Variants in ARHGAP26 observed in about 807,000 individuals in gnomAD.
ARHGAP26 encodes the protein rho GTPase-activating protein 26.
Under a neutral mutation model 104.8 loss-of-function variants are expected in ARHGAP26, and 38 were observed. The ratio of observed to expected loss-of-function variants is 0.36; its 90% CI spans 0.28 to 0.48. The LOEUF (loss-of-function observed/expected upper bound fraction) is 0.48, where lower values mean the gene tolerates loss of function less well. ARHGAP26 is among the 20% of genes least tolerant of loss of function. ARHGAP26 has a pLI of 0.99. For synonymous variants in ARHGAP26, 341 were observed against 340.0 expected (o/e 1.00, Z -0.03); for missense variants, 704 against 947.9 (o/e 0.74, Z 3.38).
At position 142,770,699 on chromosome 5, in the gene ARHGAP26, C is replaced by G. The variant is rs929516497; in HGVS notation, c.-63C>G. The G allele has an allele frequency of 9.2e-7, 1 of 1,085,686 alleles. No individual in the cohort carries two copies. Among genetic ancestry groups the G allele is most frequent in the Non-Finnish European group, 1.1e-6 (1 of 889,156 alleles). The allele number at this position is 1,085,686 out of a possible 1,614,324, so 67.3% of individuals were successfully genotyped here. A position where few individuals can be genotyped will look rare whatever the true frequency, so the allele number is the denominator to read the frequency against. ...GCCGGGGTCCCGCCGCGTGAGTGCT[C>G]TGGGCGGCGGGCGGCCCGGGCCCCG... On this transcript the variant is annotated 5_prime_UTR_variant, in exon 1 of 23. Transcript: ENST00000645722.
At chr5:142,784,617 C>T (rs559936546) in intron 1 of ARHGAP26, among the ~76,000 whole-genome samples, 21 of 152,212 alleles carry the variant, frequency 1.4e-4, no homozygotes, top group South Asian at 1.2e-3. Flanking sequence ...CTTAATGTGC[C>T]GTCTCAATCA....
At chr5:143,042,362 C>G (rs1598765558) in intron 14 of ARHGAP26, among the ~76,000 whole-genome samples, 1 of 152,172 alleles carries the variant, frequency 6.6e-6, no homozygotes, top group East Asian at 1.9e-4. Flanking sequence ...TATATATAAC[C>G]AGAGAAATCT....
chr5:143,099,866 G>A (rs1373302871), intron 17 of ARHGAP26, among the ~76,000 whole-genome samples: 1 of 152,090 alleles, frequency 6.6e-6, no homozygotes, highest in Non-Finnish European at 1.5e-5. Context: ...AATAATAAGG[G>A]ATTAAAACCA....
chr5:142,975,731 T>A (rs1031720603), intron 11 of ARHGAP26, among the ~76,000 whole-genome samples: 6 of 152,180 alleles, frequency 3.9e-5, no homozygotes, highest in African/African-American at 1.4e-4. Context: ...TTACCCAGCG[T>A]CCCTGAGATT....
intron 4 of ARHGAP26, among the ~76,000 whole-genome samples, chr5:142,884,109 C>G (rs764365796): frequency 7.2e-5 from 11 of 152,204 alleles, no homozygotes; most frequent in Non-Finnish European, 1.5e-4. Flanking sequence ...ACCCAATTAG[C>G]AAATTTGATC....
intron 1 of ARHGAP26, among the ~76,000 whole-genome samples, chr5:142,858,814 G>A (rs1314955206): frequency 6.6e-6 from 1 of 152,138 alleles, no homozygotes; most frequent in Non-Finnish European, 1.5e-5. Context: ...GGGTGGATAG[G>A]GAATGCGAGG....
chr5:142,957,361 T>TA (rs546669378), intron 11 of ARHGAP26, among the ~76,000 whole-genome samples: 162 of 152,308 alleles, frequency 1.1e-3, no homozygotes, highest in Admixed American at 2.7e-3. Context: ...ACATAAATCT[T>TA]ACGTAAATAT....
chr5:143,055,636 A>G (rs1163261537), intron 15 of ARHGAP26, among the ~76,000 whole-genome samples: 1 of 152,220 alleles, frequency 6.6e-6, no homozygotes, highest in Non-Finnish European at 1.5e-5. Context: ...TTCTAGATGA[A>G]TTGATTCTAA....
At chr5:142,947,328 G>A (rs1767302438) in intron 11 of ARHGAP26, among the ~76,000 whole-genome samples, 1 of 152,112 alleles carries the variant, frequency 6.6e-6, no homozygotes. Context: ...AGGGAGGGAT[G>A]GTGGTGCTGC....
chr5:142,942,855 A>G (rs1219386553), intron 11 of ARHGAP26, among the ~76,000 whole-genome samples: 2 of 152,192 alleles, frequency 1.3e-5, no homozygotes, highest in Non-Finnish European at 2.9e-5. Context: ...ATCTCAGCTC[A>G]CTACAACCTC....
intron 20 of ARHGAP26, among the ~76,000 whole-genome samples, chr5:143,206,794 G>A (rs192404374): frequency 3.3e-4 from 51 of 152,312 alleles, no homozygotes; most frequent in Non-Finnish European, 6.0e-4. Context: ...CTGCTGAGAC[G>A]TAACCTGAAA....
intron 11 of ARHGAP26, among the ~76,000 whole-genome samples, chr5:142,937,018 T>A (rs972595110): frequency 1.4e-4 from 21 of 152,168 alleles, no homozygotes; most frequent in Admixed American, 6.5e-5. Context: ...GGATAAAATT[T>A]TCTTCATCAA....
chr5:142,836,197 T>C (rs976527122), intron 1 of ARHGAP26, among the ~76,000 whole-genome samples: 1 of 152,232 alleles, frequency 6.6e-6, no homozygotes, highest in Non-Finnish European at 1.5e-5. Flanking sequence ...GAACTGGTGA[T>C]GCCAAGTTGC....
At chr5:143,132,574 T>C (rs1797472559) in intron 18 of ARHGAP26, among the ~76,000 whole-genome samples, 2 of 152,150 alleles carry the variant, frequency 1.3e-5, no homozygotes, top group East Asian at 3.9e-4. Flanking sequence ...TAATGTTAGA[T>C]GAAATTATAT....
intron 11 of ARHGAP26, among the ~76,000 whole-genome samples, chr5:142,962,414 A>C (rs1770406394): frequency 6.6e-6 from 1 of 152,206 alleles, no homozygotes; most frequent in African/African-American, 2.4e-5. Context: ...GAAAATAACA[A>C]GAACTGAAAG....
At chr5:143,027,613 G>C (rs769848820) in intron 12 of ARHGAP26, among the ~76,000 whole-genome samples, 3 of 152,068 alleles carry the variant, frequency 2.0e-5, no homozygotes, top group Non-Finnish European at 2.9e-5. Context: ...TAAATCAGTA[G>C]ATTTCTAATA....
At chr5:143,180,214 C>G (rs1353192691) in intron 20 of ARHGAP26, among the ~76,000 whole-genome samples, 1 of 152,140 alleles carries the variant, frequency 6.6e-6, no homozygotes, top group African/African-American at 2.4e-5. Flanking sequence ...CAACCTCCGC[C>G]TCCTGGGTTC....
intron 1 of ARHGAP26, among the ~76,000 whole-genome samples, chr5:142,835,346 A>G (rs1182299713): frequency 1.3e-5 from 2 of 152,208 alleles, no homozygotes; most frequent in Non-Finnish European, 2.9e-5. Flanking sequence ...CTGGTTCTAG[A>G]TACCCCGTGT....
intron 11 of ARHGAP26, among the ~76,000 whole-genome samples, chr5:143,006,158 A>G (rs184206286): frequency 2.6e-5 from 4 of 152,204 alleles, no homozygotes; most frequent in African/African-American, 9.6e-5. Flanking sequence ...GAAGGCCTGA[A>G]TTGTCTGTTT....
Sources: allele counts gnomAD v4.1 joint callset (sites outside exome capture counted in the v4.1 genomes callset), GRCh38; gene constraint gnomAD v4.1.1; transcripts MANE v1.5; gene names NCBI Gene and HGNC (gene_info 2026-07-23, HGNC 2026-07-21).